Variants in RASGRP3 observed in about 807,000 individuals in gnomAD.
The protein encoded by RASGRP3 is ras guanyl-releasing protein 3.
A neutral mutation model predicts 82.7 loss-of-function variants in RASGRP3; 54 were observed. The observed-to-expected ratio is 0.65, with a 90% confidence interval of 0.52 to 0.82. The LOEUF is 0.82. Among genes scored for constraint, RASGRP3 ranks in the 40% least tolerant of loss-of-function variants. The pLI, the probability that RASGRP3 is intolerant of heterozygous loss-of-function variation, is 0.00. For synonymous variants in RASGRP3, 309 were observed against 300.5 expected, an observed-to-expected ratio of 1.03 and a Z score of -0.29; for missense variants, 861 against 828.9, an observed-to-expected ratio of 1.04 and a Z score of -0.48.
At chr2:33,463,757 AC>A (rs1189492203) in intron 2 of RASGRP3, among the ~76,000 whole-genome samples, 1 of 151,570 alleles carries the variant, frequency 6.6e-6, no homozygotes, top group Non-Finnish European at 1.5e-5. Context: ...CTGCCGCCAC[AC>A]CTGGCTATTT....
At chr2:33,458,486 T>A (rs1404923346) in intron 2 of RASGRP3, among the ~76,000 whole-genome samples, 3 of 152,214 alleles carry the variant, frequency 2.0e-5, no homozygotes, top group Non-Finnish European at 4.4e-5. Context: ...AACCTCTCAC[T>A]ACAAAGCCCC....
At chr2:33,448,165 C>G (rs1665599388) in intron 2 of RASGRP3, among the ~76,000 whole-genome samples, 1 of 152,200 alleles carries the variant, frequency 6.6e-6, no homozygotes, top group African/African-American at 2.4e-5. Context: ...CATTTATATA[C>G]TGTAATACTA....
intron 4 of RASGRP3, among the ~76,000 whole-genome samples, chr2:33,519,621 T>G (rs17013204): frequency 0.016 from 2,507 of 152,260 alleles, 64 homozygotes; most frequent in African/African-American, 0.057. Flanking sequence ...CAATGTAGTG[T>G]TTCTCTGTAC....
chr2:33,503,781 A>G (rs1670098518), intron 1 of RASGRP3, among the ~76,000 whole-genome samples: 1 of 152,222 alleles, frequency 6.6e-6, no homozygotes, highest in Admixed American at 6.5e-5. Flanking sequence ...AGTTTCTCTT[A>G]GAAAAGAGAA....
In RASGRP3 at chr2:33,558,652, C is replaced by T. The variant is rs1324875662; in HGVS notation, c.1706-20C>T. ...CAAGCAGTCAGATGTCAAATAATCACCACCCTTTTTCACTTCCAGCGCAGG... is the reference window on the plus strand; with the variant it reads ...CAAGCAGTCAGATGTCAAATAATCATCACCCTTTTTCACTTCCAGCGCAGG... On this transcript the variant is annotated intron_variant, in intron 16 of 17. Coordinates refer to ENST00000403687, the MANE Select transcript of RASGRP3 (RefSeq NM_001139488.2). The T allele has an allele frequency of 6.4e-7, 1 of 1,560,824 alleles. No individual in the cohort carries two copies. The highest frequency in any genetic ancestry group is 2.2e-5 in the East Asian group (1 of 44,496).
upstream of RASGRP3, among the ~76,000 whole-genome samples, chr2:33,475,828 C>T (rs908041872): frequency 1.1e-4 from 17 of 152,200 alleles, no homozygotes; most frequent in Non-Finnish European, 1.5e-4. Flanking sequence ...AAGTTCCCAG[C>T]ACACCAAAGG....
chr2:33,557,335 T>C (rs970764598), intron 15 of RASGRP3, among the ~76,000 whole-genome samples: 3 of 152,242 alleles, frequency 2.0e-5, no homozygotes, highest in African/African-American at 7.2e-5. Context: ...TTACTGAGCA[T>C]ATGCCCATCT....
intron 2 of RASGRP3, among the ~76,000 whole-genome samples, chr2:33,457,505 A>G (rs1238492049): frequency 6.6e-6 from 1 of 152,150 alleles, no homozygotes; most frequent in African/African-American, 2.4e-5. Context: ...CATGATGTAT[A>G]CAGCTTTGAA....
At chr2:33,534,497 G>T in intron 11 of RASGRP3, 97 bp downstream of exon 11, 1 of 814,160 alleles carries the variant, frequency 1.2e-6, no homozygotes, top group Non-Finnish European at 2.0e-6. Context: ...TTCTAAAACG[G>T]AAGAATTTTA....
intron 9 of RASGRP3, 126 bp from the exon 10 acceptor site, chr2:33,527,011 C>A: frequency 1.1e-5 from 11 of 985,214 alleles, no homozygotes; most frequent in Non-Finnish European, 1.6e-5. Flanking sequence ...TATTTCCCTG[C>A]AGCAACATTG....
At position 33,494,201 on chromosome 2, in the gene RASGRP3, C is replaced by T. The variant is rs1436130070; in HGVS notation, c.-261+17494C>T. Among the ~76,000 whole-genome samples the T allele has an allele frequency of 3.3e-5, 5 of 152,274 alleles. 1 individual carries two copies. In the South Asian group the frequency reaches 6.2e-4, roughly 19 times the overall value. On this transcript the variant is annotated intron_variant, in intron 1 of 17. Coordinates refer to ENST00000403687, the MANE Select transcript of RASGRP3 (RefSeq NM_001139488.2). ...CTTGAAAAGTGGACATATTCTGTGT[C>T]GCCTACTAGCACAACCTCTTTCTCT...
At chr2:33,539,270 G>A (rs1490575884) in intron 12 of RASGRP3, 60 bp downstream of exon 12, 3 of 1,329,518 alleles carry the variant, frequency 2.3e-6, no homozygotes, top group Non-Finnish European at 1.1e-6. Flanking sequence ...TTTCCAGAAT[G>A]TTCTGCGATT....
chr2:33,521,900 C>T (rs767555013), intron 6 of RASGRP3, 55 bp from the exon 7 acceptor site: 1 of 1,556,896 alleles, frequency 6.4e-7, no homozygotes, highest in Non-Finnish European at 8.6e-7. Flanking sequence ...TTAATAACTT[C>T]CATTGAGTGA....
intron 6 of RASGRP3, among the ~76,000 whole-genome samples, 178 bp downstream of exon 6, chr2:33,520,862 C>T (rs1671964679): frequency 6.6e-6 from 1 of 152,150 alleles, no homozygotes; most frequent in African/African-American, 2.4e-5. Context: ...CTCCAAGCTT[C>T]AGTTTTTTTT....
intron 1 of RASGRP3, among the ~76,000 whole-genome samples, chr2:33,485,740 G>A (rs146872334): frequency 2.0e-5 from 3 of 152,256 alleles, no homozygotes; most frequent in East Asian, 1.9e-4. Flanking sequence ...AAAATATCTC[G>A]TGCTATTTTA....
At chr2:33,558,143 G>T in intron 15 of RASGRP3, 68 bp from the exon 16 acceptor site, 1 of 1,561,136 alleles carries the variant, frequency 6.4e-7, no homozygotes, top group Non-Finnish European at 8.7e-7. Context: ...GACAAATCAA[G>T]TGCCACCCTG....
At chr2:33,528,854 C>T (rs1036591915) in intron 10 of RASGRP3, among the ~76,000 whole-genome samples, 2 of 152,270 alleles carry the variant, frequency 1.3e-5, no homozygotes, top group South Asian at 2.1e-4. Flanking sequence ...GGGCAGGGAA[C>T]GCAACTCACA....
intron 15 of RASGRP3, among the ~76,000 whole-genome samples, chr2:33,556,603 CATCTT>C (rs886731608): frequency 6.6e-5 from 10 of 152,084 alleles, no homozygotes; most frequent in Non-Finnish European, 7.4e-5. Context: ...CAAAAAGAAA[CATCTT>C]AATCACAGAA....
intron 15 of RASGRP3, 26 bp from the exon 16 acceptor site, chr2:33,558,185 T>C (rs1301396878): frequency 1.2e-6 from 2 of 1,604,224 alleles, no homozygotes; most frequent in Non-Finnish European, 1.7e-6. Flanking sequence ...ACACTAATCA[T>C]CTGCGACACC....
Sources: gnomAD v4.1 joint callset for allele counts (sites outside exome capture counted in the v4.1 genomes callset) on GRCh38, gnomAD v4.1.1 for gene constraint, MANE v1.5 for transcripts, NCBI Gene and HGNC (gene_info 2026-07-23, HGNC 2026-07-21) for gene names.